LPCAT1: variants seen among roughly 807,000 people sequenced by gnomAD.
LPCAT1 encodes 1-acylglycerol-3-phosphate O-acyltransferase.
LPCAT1 carries 23 observed loss-of-function variants against 60.9 expected under a neutral mutation model. The observed-to-expected ratio is 0.38, with a 90% confidence interval of 0.27 to 0.53. The LOEUF (loss-of-function observed/expected upper bound fraction) is 0.53. LPCAT1 is among the 20% of genes least tolerant of loss of function. The pLI, the probability that LPCAT1 is intolerant of heterozygous loss-of-function variation, is 0.82. For missense variants in LPCAT1, 622 were observed against 723.6 expected (o/e 0.86, Z 1.61); for synonymous variants, 340 against 301.1 (o/e 1.13, Z -1.34).
Position 1,495,829 on chromosome 5 carries a change from T to C in LPCAT1, c.279-915A>G, listed in dbSNP as rs1445659866. Reference sequence around the variant, plus strand: ...CACATTGCCCTGGGACAGATGATCCTCCCAGAAGACTTCCAGGACAGGGGT... The same window carrying C: ...CACATTGCCCTGGGACAGATGATCCCCCCAGAAGACTTCCAGGACAGGGGT... On this transcript the variant is annotated intron_variant, in intron 2 of 13. Coordinates refer to ENST00000283415, the MANE Select transcript of LPCAT1 (RefSeq NM_024830.5). This position sits in a 1 kb window ranked among gnomAD's most constrained non-coding sequence, Gnocchi z 4.7. Among the ~76,000 whole-genome samples the C allele has an allele frequency of 6.6e-6, 1 of 152,178 alleles. No individual in the cohort carries two copies. The highest frequency in any genetic ancestry group is 2.4e-5 in the African/African-American group (1 of 41,448).
rs867893722 is a variant in LPCAT1, at chr5:1,482,792, G to T, written c.726+636C>A. On this transcript the variant is annotated intron_variant, in intron 6 of 13. Coordinates refer to ENST00000283415, the MANE Select transcript of LPCAT1 (RefSeq NM_024830.5). ...GCAGGCTAAGCCTCCTCCAGAGGTGGCAAGGCCCCATGGGGAACTGCTCTG... is the reference window on the plus strand; with the variant it reads ...GCAGGCTAAGCCTCCTCCAGAGGTGTCAAGGCCCCATGGGGAACTGCTCTG... Among the ~76,000 whole-genome samples, 10 of 152,034 alleles carry T rather than the reference G, an allele frequency of 6.6e-5. No individual in the cohort carries two copies. In the Middle Eastern group the frequency reaches 0.01, roughly 155 times the overall value.
In LPCAT1 at chr5:1,522,443, A is replaced by G. The variant is rs1285261298; in HGVS notation, c.135+1267T>C. ...CCCCAGCCCCAGAGTCCAGCTCCCGACACACAGGGAGACGGGGGCCAGGGC... is the reference window on the plus strand; with the variant it reads ...CCCCAGCCCCAGAGTCCAGCTCCCGGCACACAGGGAGACGGGGGCCAGGGC... On this transcript the variant is annotated intron_variant, in intron 1 of 13. Transcript: ENST00000283415. This position sits in a 1 kb window ranked among gnomAD's most constrained non-coding sequence, Gnocchi z 6.8. 1.3e-5 allele frequency among the ~76,000 whole-genome samples: 2 copies of G among 152,056 alleles called. No individual in the cohort carries two copies. Among genetic ancestry groups the G allele is most frequent in the Non-Finnish European group, 2.9e-5 (2 of 67,978 alleles).
intron 1 of LPCAT1, among the ~76,000 whole-genome samples, chr5:1,515,722 C>A (rs945172558): frequency 6.6e-6 from 1 of 151,920 alleles, no homozygotes; most frequent in Non-Finnish European, 1.5e-5. Context: ...CTCCACACTA[C>A]GGGCAAATAC....
At chr5:1,509,622 A>G (rs1413542152) in intron 1 of LPCAT1, among the ~76,000 whole-genome samples, 1 of 152,178 alleles carries the variant, frequency 6.6e-6, no homozygotes, top group Non-Finnish European at 1.5e-5. Context: ...CAGCACCCAC[A>G]GACACAAACC....
In LPCAT1 at chr5:1,488,388, T is replaced by C. The variant is rs1028579345; in HGVS notation, c.667+3A>G. On this transcript the variant is annotated splice_donor_region_variant and intron_variant, in intron 5 of 13. Coordinates refer to ENST00000283415, the MANE Select transcript of LPCAT1 (RefSeq NM_024830.5). ...AAAATAAACATTTAAGAAAACTACA[T>C]ACCAGGTTTGAAGGTAATTAGGCAG... 4.5e-6 allele frequency: 7 copies of C among 1,562,284 alleles called. No individual in the cohort carries two copies. The highest frequency in any genetic ancestry group is 4.3e-6 in the Non-Finnish European group (5 of 1,150,048).
chr5:1,501,069 G>T (rs975476726), intron 2 of LPCAT1, among the ~76,000 whole-genome samples: 2 of 152,234 alleles, frequency 1.3e-5, no homozygotes, highest in Non-Finnish European at 2.9e-5. Flanking sequence ...GGTGGGAGGG[G>T]TAAGGGGGCT....
Position 1,470,899 on chromosome 5 carries a change from C to CG in LPCAT1, c.1204dup (p.Arg402ProfsTer39), listed in dbSNP as rs1734643728. 6.2e-7 allele frequency: 1 copy of CG among 1,613,246 alleles called. No homozygotes were observed. ...GACAGACAGGGCAACCACACACTCT[C>CG]GCAGGTCCACCTCGCCGCTGCCGCT... On this transcript the variant is annotated frameshift_variant, in exon 12 of 14. Transcript: ENST00000283415. LOFTEE classifies it high-confidence loss of function.
chr5:1,497,274 C>T (rs1438781701), intron 2 of LPCAT1, among the ~76,000 whole-genome samples: 1 of 152,210 alleles, frequency 6.6e-6, no homozygotes, highest in Non-Finnish European at 1.5e-5. Context: ...CCAGAACATG[C>T]AGGGGGAAAA....
chr5:1,483,485 A>G lies in LPCAT1; in HGVS notation c.669T>C (p.Gly223=), dbSNP rs201017277. ...NRTCLITFKP[G]AFIPGAPVQP... is the part of the protein sequence containing the mutation. Reference sequence around the variant, plus strand: ...GGACGGGCGCTCCAGGGATGAATGCACCTGCCGAGAAAGGAACAGCGGTGT... The same window carrying G: ...GGACGGGCGCTCCAGGGATGAATGCGCCTGCCGAGAAAGGAACAGCGGTGT... Residue 223 remains glycine (G), a splice_region_variant and synonymous_variant, in exon 6 of 14, where the codon GGT becomes GGC. Coordinates refer to ENST00000283415, the MANE Select transcript of LPCAT1 (RefSeq NM_024830.5). The surrounding 1 kb of genome is among the most constrained non-coding windows in gnomAD (Gnocchi z 9.2). 2.5e-6 allele frequency: 4 copies of G among 1,611,400 alleles called. 1 individual carries two copies. The South Asian group carries it at 4.4e-5, about 18-fold the overall frequency.
intron 1 of LPCAT1, among the ~76,000 whole-genome samples, chr5:1,519,980 T>G (rs970313696): frequency 6.6e-6 from 1 of 152,090 alleles, no homozygotes; most frequent in Non-Finnish European, 1.5e-5. Context: ...CCCCTCCACA[T>G]CCACTGCCCG....
chr5:1,506,014 C>T (rs1456525095), intron 1 of LPCAT1, among the ~76,000 whole-genome samples: 3 of 152,268 alleles, frequency 2.0e-5, no homozygotes, highest in Non-Finnish European at 4.4e-5. Context: ...ATGCGGCCCA[C>T]ACTTCTGAGC....
chr5:1,498,200 TAC>T (rs1735862696), intron 2 of LPCAT1, among the ~76,000 whole-genome samples: 1 of 152,234 alleles, frequency 6.6e-6, no homozygotes, highest in Non-Finnish European at 1.5e-5. Flanking sequence ...TATTCAGCGG[TAC>T]ACTCTGAATC....
At position 1,520,326 on chromosome 5, in the gene LPCAT1, G is replaced by T. The variant is rs545661750; in HGVS notation, c.135+3384C>A. ...GTGGAGAAAAAGATGGCCCACTTTTGGGTAAATTCTATGCAGGGCCACCAG... is the reference window on the plus strand; with the variant it reads ...GTGGAGAAAAAGATGGCCCACTTTTTGGTAAATTCTATGCAGGGCCACCAG... On this transcript the variant is annotated intron_variant, in intron 1 of 13. Transcript: ENST00000283415. Among the ~76,000 whole-genome samples, 3 of 152,320 alleles carry T rather than the reference G, an allele frequency of 2.0e-5. No individual in the cohort carries two copies. The East Asian group carries it at 5.8e-4, about 29-fold the overall frequency.
chr5:1,471,963 AC>A (rs1734689310), intron 11 of LPCAT1, among the ~76,000 whole-genome samples: 2 of 18,102 alleles, frequency 1.1e-4, no homozygotes, highest in Non-Finnish European at 9.8e-5. Flanking sequence ...AGCACCCAGG[AC>A]AGGGGGAGGA....
intron 1 of LPCAT1, among the ~76,000 whole-genome samples, chr5:1,503,233 T>C (rs1376960047): frequency 6.6e-6 from 1 of 152,160 alleles, no homozygotes; most frequent in East Asian, 1.9e-4. Context: ...AGCATCACAC[T>C]CGCTGCACCA....
intron 1 of LPCAT1, among the ~76,000 whole-genome samples, chr5:1,506,538 C>T (rs979013704): frequency 6.6e-6 from 1 of 152,192 alleles, no homozygotes; most frequent in African/African-American, 2.4e-5. Flanking sequence ...TGGACTCTAG[C>T]CCCCCAGGAG....
rs7726123 is a variant in LPCAT1, at chr5:1,495,169, C to A, written c.279-255G>T. The stretch of plus-strand genomic sequence containing the variant: ...GGCCCTGTGTGGTGGTCACGGGCCA[C>A]GCGGCAGGCAGTGCTAAGACAACAT... On this transcript the variant is annotated intron_variant, in intron 2 of 13. Coordinates refer to ENST00000283415, the MANE Select transcript of LPCAT1 (RefSeq NM_024830.5). This position sits in a 1 kb window ranked among gnomAD's most constrained non-coding sequence, Gnocchi z 4.7. Among the ~76,000 whole-genome samples, 1 of 152,190 alleles carries A rather than the reference C, an allele frequency of 6.6e-6. No individual in the cohort carries two copies.
At chr5:1,503,390 C>T (rs1472061103) in intron 1 of LPCAT1, among the ~76,000 whole-genome samples, 4 of 152,206 alleles carry the variant, frequency 2.6e-5, no homozygotes, top group South Asian at 2.1e-4. Context: ...AAATCATGAA[C>T]GGGTGCTGAG....
At chr5:1,485,354 C>G (rs115570219) in intron 5 of LPCAT1, among the ~76,000 whole-genome samples, 1 of 152,156 alleles carries the variant, frequency 6.6e-6, no homozygotes, top group African/African-American at 2.4e-5. Context: ...CACCCAGACC[C>G]CGCCAGCACT....
Sources: allele counts gnomAD v4.1 joint callset (sites outside exome capture counted in the v4.1 genomes callset), GRCh38; gene constraint gnomAD v4.1.1; non-coding constraint Gnocchi (gnomAD v3.1); transcripts MANE v1.5; gene names NCBI Gene and HGNC (gene_info 2026-07-23, HGNC 2026-07-21).